The following SPAG9 variants were observed in gnomAD, a reference collection of about 807,000 sequenced individuals.
SPAG9 encodes the protein sperm associated antigen 9.
A neutral mutation model predicts 166.5 loss-of-function variants in SPAG9; 35 were observed. That is an observed-to-expected ratio of 0.21 (90% CI 0.16 to 0.28). SPAG9 has a LOEUF of 0.28. Among genes scored for constraint, SPAG9 ranks in the 10% least tolerant of loss-of-function variants. The pLI is 1.00. For synonymous variants in SPAG9, 534 were observed against 565.5 expected (o/e 0.94, Z 0.79); for missense variants, 1,235 against 1,603.3 (o/e 0.77, Z 3.92).
Position 50,966,080 on chromosome 17 carries a change from G to C in SPAG9, c.*192C>G, listed in dbSNP as rs1423968880. The C allele has an allele frequency of 2.3e-5, 13 of 566,534 alleles. No individual in the cohort carries two copies. The highest frequency in any genetic ancestry group is 3.8e-5 in the Non-Finnish European group (12 of 313,742). The allele number at this position is 566,534 out of a possible 1,614,324, so 35.1% of individuals were successfully genotyped here. On this transcript the variant is annotated 3_prime_UTR_variant, in exon 30 of 30. Coordinates refer to ENST00000262013, the MANE Select transcript of SPAG9 (RefSeq NM_001130528.3). ...TATACTGAAGTTACCTATAACACTG[G>C]TGCAGTAACACAGCTAGTTCCTCTG...
At chr17:51,043,104 G>A (rs2046901952) in intron 4 of SPAG9, among the ~76,000 whole-genome samples, 9 of 152,090 alleles carry the variant, frequency 5.9e-5, no homozygotes, top group Admixed American at 5.2e-4. Flanking sequence ...TGGCCAGGCT[G>A]GTCTTGAACT....
intron 2 of SPAG9, among the ~76,000 whole-genome samples, chr17:51,074,072 T>C (rs1398891808): frequency 1.3e-5 from 2 of 151,870 alleles, no homozygotes; most frequent in African/African-American, 2.4e-5. Context: ...CCGTCTCTAC[T>C]AAAAATACAA....
At chr17:51,023,365 A>G in intron 6 of SPAG9, 1 of 239,174 alleles carries the variant, frequency 4.2e-6, no homozygotes, top group Non-Finnish European at 8.4e-6. Flanking sequence ...AGGGAGTATC[A>G]GCAGGAATTA....
intron 1 of SPAG9, among the ~76,000 whole-genome samples, chr17:51,091,166 A>G (rs1179549896): frequency 6.6e-6 from 1 of 151,848 alleles, no homozygotes; most frequent in African/African-American, 2.4e-5. Flanking sequence ...CCAGCTACTC[A>G]AAGGCTGAGG....
chr17:50,980,458 G>A (rs1974515996), intron 25 of SPAG9, among the ~76,000 whole-genome samples: 1 of 151,956 alleles, frequency 6.6e-6, no homozygotes, highest in African/African-American at 2.4e-5. Context: ...GCCCACCTCG[G>A]CCTTCCAAAG....
chr17:51,046,511 T>C, intron 4 of SPAG9: 9 of 1,535,854 alleles, frequency 5.9e-6, no homozygotes, highest in Admixed American at 2.0e-5. Flanking sequence ...TGAGTATCCT[T>C]GGTAGGTTCT....
intron 5 of SPAG9, among the ~76,000 whole-genome samples, chr17:51,037,105 T>A (rs898597953): frequency 6.6e-6 from 1 of 152,100 alleles, no homozygotes; most frequent in African/African-American, 2.4e-5. Flanking sequence ...CTATTACTAT[T>A]ATTATTCATT....
intron 3 of SPAG9, among the ~76,000 whole-genome samples, chr17:51,055,615 G>A (rs914846609): frequency 6.6e-6 from 1 of 151,716 alleles, no homozygotes; most frequent in Non-Finnish European, 1.5e-5. Context: ...ACAAAAAAAC[G>A]GGCTAAGACT....
chr17:51,005,725 C>T (rs1238344919), intron 11 of SPAG9, among the ~76,000 whole-genome samples: 1 of 152,208 alleles, frequency 6.6e-6, no homozygotes, highest in Non-Finnish European at 1.5e-5. Context: ...GTGGCAGGCA[C>T]CTACAATCCC....
At chr17:51,064,405 T>C (rs1212009228) in intron 2 of SPAG9, among the ~76,000 whole-genome samples, 1 of 152,228 alleles carries the variant, frequency 6.6e-6, no homozygotes, top group Non-Finnish European at 1.5e-5. Flanking sequence ...ACTGTATTAC[T>C]ACAGACTTTC....
At chr17:51,047,578 C>T (rs527357026) in intron 3 of SPAG9, 109 bp from the exon 4 acceptor site, 15 of 489,430 alleles carry the variant, frequency 3.1e-5, no homozygotes, top group African/African-American at 2.9e-4. Flanking sequence ...ATCTATCAGA[C>T]TACTCGATTC....
chr17:51,073,373 C>T (rs2047878995), intron 2 of SPAG9, among the ~76,000 whole-genome samples: 2 of 151,828 alleles, frequency 1.3e-5, no homozygotes, highest in Non-Finnish European at 2.9e-5. Context: ...GCTTGTAGTC[C>T]CAGCTACTCG....
intron 1 of SPAG9, among the ~76,000 whole-genome samples, chr17:51,110,148 G>A (rs1198280879): frequency 6.6e-6 from 1 of 152,122 alleles, no homozygotes; most frequent in African/African-American, 2.4e-5. Flanking sequence ...GTACTGAGGG[G>A]CAAAGTATGT....
intron 4 of SPAG9, among the ~76,000 whole-genome samples, chr17:51,046,057 C>T (rs2047009127): frequency 6.6e-6 from 1 of 152,130 alleles, no homozygotes; most frequent in Non-Finnish European, 1.5e-5. Flanking sequence ...AAAAATGATA[C>T]CTGAAACTCT....
intron 9 of SPAG9, among the ~76,000 whole-genome samples, chr17:51,008,521 A>G (rs1366052435): frequency 6.6e-6 from 1 of 151,994 alleles, no homozygotes; most frequent in Non-Finnish European, 1.5e-5. Context: ...AGAAAACTAC[A>G]TACGACAAAG....
intron 12 of SPAG9, among the ~76,000 whole-genome samples, chr17:51,004,739 G>C (rs965714643): frequency 2.6e-5 from 4 of 151,976 alleles, no homozygotes; most frequent in African/African-American, 7.3e-5. Flanking sequence ...CAAAAAAAAA[G>C]ACTAGGGGTA....
At chr17:50,975,915 G>C in intron 27 of SPAG9, 1 of 1,532,834 alleles carries the variant, frequency 6.5e-7, no homozygotes, top group East Asian at 2.4e-5. Context: ...AAGTGAGAAA[G>C]GAGGAAAGGG....
chr17:50,995,350 T>C (rs910567191), intron 17 of SPAG9, 94 bp downstream of exon 17: 3 of 1,289,134 alleles, frequency 2.3e-6, no homozygotes, highest in Non-Finnish European at 3.2e-6. Context: ...AACAATAACC[T>C]CACCATAGAA....
rs189702508 is a variant in SPAG9, at chr17:51,092,734, A to G, written c.304-13030T>C. Among the ~76,000 whole-genome samples, 391 of 147,976 alleles carry G rather than the reference A, an allele frequency of 2.6e-3. 2 individuals are homozygous for G. The highest frequency in any genetic ancestry group is 9.3e-3 in the African/African-American group (372 of 40,138). On this transcript the variant is annotated intron_variant, in intron 1 of 29. Transcript: ENST00000262013. ...TTTGAGAACAGCCTGGGGAACATAG[A>G]GAGACCCTTGTCTCTACAAAAAAAA...
Sources: allele counts gnomAD v4.1 joint callset (sites outside exome capture counted in the v4.1 genomes callset), GRCh38; gene constraint gnomAD v4.1.1; transcripts MANE v1.5; gene names NCBI Gene and HGNC (gene_info 2026-07-23, HGNC 2026-07-21).